The following SLCO1A2 variants were observed in gnomAD, a reference collection of about 807,000 sequenced individuals.
The protein encoded by SLCO1A2 is OATP-1.
A neutral mutation model predicts 69.0 loss-of-function variants in SLCO1A2; 67 were observed. The ratio of observed to expected loss-of-function variants is 0.97; its 90% CI spans 0.80 to 1.19. The LOEUF (loss-of-function observed/expected upper bound fraction) is 1.19. Ranked by LOEUF, SLCO1A2 falls within the 50% of genes most tolerant of loss-of-function variation. SLCO1A2 has a pLI of 0.00. For synonymous variants in SLCO1A2, 260 were observed against 265.9 expected, an observed-to-expected ratio of 0.98 and a Z score of 0.22; for missense variants, 787 against 793.7, an observed-to-expected ratio of 0.99 and a Z score of 0.10.
chr12:21,310,263 T>G (rs949096507), intron 4 of SLCO1A2, among the ~76,000 whole-genome samples: 2 of 150,984 alleles, frequency 1.3e-5, no homozygotes, highest in Non-Finnish European at 2.9e-5. Context: ...ACATGAATTT[T>G]TTTAATTTTC....
At chr12:21,365,600 G>A (rs1300280278) in intron 2 of SLCO1A2, among the ~76,000 whole-genome samples, 1 of 152,144 alleles carries the variant, frequency 6.6e-6, no homozygotes, top group Non-Finnish European at 1.5e-5. Context: ...TACCATCAGA[G>A]TGAACAGGCA....
intron 2 of SLCO1A2, among the ~76,000 whole-genome samples, chr12:21,371,926 C>T (rs556314221): frequency 1.3e-5 from 2 of 151,478 alleles, no homozygotes; most frequent in South Asian, 2.1e-4. Flanking sequence ...CACTTGAACC[C>T]GGGAGGCACA....
chr12:21,275,902 A>ACTGCACTCCAGCCTGGGTGATAGAG (rs1943737531), intron 12 of SLCO1A2, among the ~76,000 whole-genome samples: 1 of 152,098 alleles, frequency 6.6e-6, no homozygotes, highest in Non-Finnish European at 1.5e-5. Flanking sequence ...AAATTGCGCC[A>ACTGCACTCCAGCCTGGGTGATAGAG]CTGCACTCCA....
At chr12:21,379,705 C>T (rs1295602087) in intron 1 of SLCO1A2, 1 of 151,962 alleles carries the variant, frequency 6.6e-6, no homozygotes, top group Non-Finnish European at 1.5e-5. Context: ...CATCATGCTG[C>T]GTTATGCCAT....
chr12:21,352,697 C>G (rs1303153379), intron 2 of SLCO1A2, among the ~76,000 whole-genome samples: 1 of 152,182 alleles, frequency 6.6e-6, no homozygotes, highest in Non-Finnish European at 1.5e-5. Context: ...CCATCCACAG[C>G]CAAAAGCATA....
At chr12:21,310,562 T>C (rs1303493442) in intron 4 of SLCO1A2, among the ~76,000 whole-genome samples, 1 of 152,242 alleles carries the variant, frequency 6.6e-6, no homozygotes, top group Non-Finnish European at 1.5e-5. Context: ...TGACTCTTCC[T>C]TTCACAAAAG....
intron 1 of SLCO1A2, among the ~76,000 whole-genome samples, chr12:21,386,814 G>C (rs1367020322): frequency 6.6e-6 from 1 of 152,080 alleles, no homozygotes; most frequent in African/African-American, 2.4e-5. Context: ...GGTTGGAATA[G>C]TTTGATGGGT....
chr12:21,358,287 T>C (rs1037386803), intron 2 of SLCO1A2, among the ~76,000 whole-genome samples: 1 of 152,206 alleles, frequency 6.6e-6, no homozygotes, highest in Non-Finnish European at 1.5e-5. Context: ...GCTTTTTACA[T>C]AGAAAATAGT....
intron 2 of SLCO1A2, among the ~76,000 whole-genome samples, chr12:21,361,904 C>G (rs528851434): frequency 2.2e-4 from 34 of 152,066 alleles, no homozygotes; most frequent in Admixed American, 2.1e-3. Context: ...GTGAAAAGAC[C>G]AAATCTACGT....
intron 1 of SLCO1A2, chr12:21,378,279 A>T (rs1940352390): frequency 2.1e-5 from 34 of 1,614,230 alleles, no homozygotes; most frequent in Non-Finnish European, 2.9e-5. Context: ...CCACATGTGC[A>T]ACGCAGCGCC....
intron 2 of SLCO1A2, among the ~76,000 whole-genome samples, chr12:21,366,770 A>G (rs1035794888): frequency 6.6e-6 from 1 of 152,040 alleles, no homozygotes; most frequent in Admixed American, 6.6e-5. Flanking sequence ...GAAAATTAAA[A>G]ATATGATTGT....
At chr12:21,307,106 T>C in intron 4 of SLCO1A2, 118 bp from the exon 5 acceptor site, 1 of 622,992 alleles carries the variant, frequency 1.6e-6, no homozygotes, top group Non-Finnish European at 2.7e-6. Context: ...CCAGTAAAAA[T>C]GGCTTTTCAT....
chr12:21,302,173 ACT>A (rs1437435860), intron 6 of SLCO1A2, among the ~76,000 whole-genome samples: 1 of 151,424 alleles, frequency 6.6e-6, no homozygotes, highest in Non-Finnish European at 1.5e-5. Context: ...CTTTCACTAT[ACT>A]CTCTGCCTCT....
chr12:21,336,665 A>G (rs1472509263), upstream of SLCO1A2, among the ~76,000 whole-genome samples: 1 of 152,046 alleles, frequency 6.6e-6, no homozygotes, highest in Non-Finnish European at 1.5e-5. Flanking sequence ...TATTCCATTT[A>G]TTCAATAAAA....
At chr12:21,289,473 C>T (rs1181590382) in intron 12 of SLCO1A2, among the ~76,000 whole-genome samples, 3 of 152,002 alleles carry the variant, frequency 2.0e-5, no homozygotes, top group African/African-American at 4.8e-5. Flanking sequence ...CACACTCAGA[C>T]CTCCAGGAGA....
intron 8 of SLCO1A2, 30 bp from the exon 9 acceptor site, chr12:21,297,598 A>T: frequency 2.0e-6 from 3 of 1,486,570 alleles, no homozygotes; most frequent in Non-Finnish European, 2.7e-6. Context: ...ACTGTGTCAA[A>T]CGAACTTGGC....
chr12:21,398,767 C>G (rs1488118378), upstream of SLCO1A2, among the ~76,000 whole-genome samples: 4 of 150,180 alleles, frequency 2.7e-5, no homozygotes, highest in African/African-American at 7.3e-5. Flanking sequence ...GAGCCAAAGA[C>G]AAAAACCACA....
At chr12:21,340,753 TCG>T (rs773899070) in intron 2 of SLCO1A2, among the ~76,000 whole-genome samples, 2 of 151,908 alleles carry the variant, frequency 1.3e-5, no homozygotes, top group Admixed American at 6.6e-5. Flanking sequence ...CTTGTCTGTC[TCG>T]GGTTTAAAAT....
intron 12 of SLCO1A2, among the ~76,000 whole-genome samples, chr12:21,282,513 A>G (rs1210816548): frequency 6.6e-6 from 1 of 152,112 alleles, no homozygotes; most frequent in Non-Finnish European, 1.5e-5. Flanking sequence ...GAAAGCCCTT[A>G]TTCTGTAATC....
Sources: allele counts gnomAD v4.1 joint callset (sites outside exome capture counted in the v4.1 genomes callset), GRCh38; gene constraint gnomAD v4.1.1; transcripts MANE v1.5; gene names NCBI Gene and HGNC (gene_info 2026-07-23, HGNC 2026-07-21).